NRXN1: variants seen among roughly 807,000 people sequenced by gnomAD.
NRXN1 encodes neurexin-1.
NRXN1 carries 39 observed loss-of-function variants against 150.9 expected under a neutral mutation model. The observed-to-expected ratio is 0.26, with a 90% CI of 0.20 to 0.34. The LOEUF is 0.34. Among genes scored for constraint, NRXN1 ranks in the 10% least tolerant of loss-of-function variants. The pLI is 1.00. For synonymous variants in NRXN1, 924 were observed against 757.0 expected (o/e 1.22, Z -3.62); for missense variants, 1,815 against 1,949.9 (o/e 0.93, Z 1.30).
intron 17 of NRXN1, among the ~76,000 whole-genome samples, chr2:50,449,885 C>A (rs1167670222): frequency 1.3e-5 from 2 of 152,070 alleles, no homozygotes; most frequent in Non-Finnish European, 2.9e-5. Flanking sequence ...CTCAAATCAA[C>A]CCTGCAAGAT....
chr2:50,870,368 G>A (rs911525292), intron 5 of NRXN1, among the ~76,000 whole-genome samples: 1 of 151,770 alleles, frequency 6.6e-6, no homozygotes, highest in African/African-American at 2.4e-5. Context: ...TCGTTATGTT[G>A]TCCAGGCTGG....
rs560295050 is a variant in NRXN1 at position 50,135,431 on chromosome 2, G to A, written c.3547-43937C>T. Among the ~76,000 whole-genome samples, 57 of 152,020 alleles carry A rather than the reference G, an allele frequency of 3.7e-4. 2 individuals are homozygous for A. The South Asian group carries it at 9.2e-3, about 24-fold the overall frequency. On this transcript the variant is annotated intron_variant, in intron 18 of 22. Transcript: ENST00000401669. ...AAGCTGCCCAATCGCGGTGGCTCAC[G>A]CCTGTAATCCCAGCACTTTGGGAGG...
At chr2:50,686,715 A>G (rs1691283479) in intron 5 of NRXN1, among the ~76,000 whole-genome samples, 2 of 152,196 alleles carry the variant, frequency 1.3e-5, no homozygotes, top group South Asian at 4.1e-4. Flanking sequence ...ATCTCCAGGG[A>G]AAGTACAATA....
chr2:50,243,439 T>C (rs1037281503), intron 17 of NRXN1, among the ~76,000 whole-genome samples: 1 of 151,770 alleles, frequency 6.6e-6, no homozygotes, highest in African/African-American at 2.4e-5. Context: ...AAAATTAAGT[T>C]ATTAAATTTT....
intron 17 of NRXN1, among the ~76,000 whole-genome samples, chr2:50,410,434 G>A (rs1396537989): frequency 6.6e-6 from 1 of 152,164 alleles, no homozygotes; most frequent in Non-Finnish European, 1.5e-5. Flanking sequence ...TATGCAGGAT[G>A]TCAACTGCAC....
chr2:50,508,780 C>G (rs368572688), intron 12 of NRXN1, among the ~76,000 whole-genome samples: 1 of 152,016 alleles, frequency 6.6e-6, no homozygotes, highest in Non-Finnish European at 1.5e-5. Flanking sequence ...TAAAAATAAC[C>G]CTTTGGTTCA....
intron 18 of NRXN1, among the ~76,000 whole-genome samples, chr2:50,209,507 A>G (rs2062857538): frequency 6.6e-6 from 1 of 152,124 alleles, no homozygotes; most frequent in Middle Eastern, 3.2e-3. Flanking sequence ...CCAAAACTGT[A>G]AAGGTGGAAA....
At chr2:50,324,545 A>T (rs1223956012) in intron 17 of NRXN1, among the ~76,000 whole-genome samples, 1 of 152,036 alleles carries the variant, frequency 6.6e-6, no homozygotes, top group African/African-American at 2.4e-5. Flanking sequence ...ATTTTATTTT[A>T]TTTGTTTATT....
intron 18 of NRXN1, among the ~76,000 whole-genome samples, chr2:50,228,414 T>C (rs1281151159): frequency 6.6e-6 from 1 of 152,018 alleles, no homozygotes; most frequent in East Asian, 1.9e-4. Context: ...GAGTAAAAGA[T>C]GTCAAAGATG....
intron 17 of NRXN1, among the ~76,000 whole-genome samples, chr2:50,405,553 G>A (rs1282750407): frequency 6.6e-6 from 1 of 152,098 alleles, no homozygotes; most frequent in African/African-American, 2.4e-5. Context: ...CCACCTGTTG[G>A]TAGCACCCAA....
chr2:50,176,134 G>C (rs1352687057), intron 18 of NRXN1, among the ~76,000 whole-genome samples: 1 of 152,028 alleles, frequency 6.6e-6, no homozygotes, highest in Non-Finnish European at 1.5e-5. Flanking sequence ...AGAATTAAAA[G>C]GTTTTCATCT....
intron 21 of NRXN1, among the ~76,000 whole-genome samples, chr2:50,003,907 C>CTGTTAA (rs1288628947): frequency 6.6e-6 from 1 of 152,090 alleles, no homozygotes; most frequent in African/African-American, 2.4e-5. Context: ...TTCCCCTTGA[C>CTGTTAA]TTAACAGATG....
intron 5 of NRXN1, among the ~76,000 whole-genome samples, chr2:50,907,453 T>C (rs1310141791): frequency 6.6e-6 from 1 of 152,058 alleles, no homozygotes; most frequent in Non-Finnish European, 1.5e-5. Context: ...GGCTGTGACC[T>C]TTACGAAGGG....
chr2:50,188,051 T>G lies in NRXN1; in HGVS notation c.3546+48738A>C, dbSNP rs576581014. Among the ~76,000 whole-genome samples the G allele has an allele frequency of 2.0e-5, 3 of 152,236 alleles. No homozygotes were observed. In the South Asian group the frequency reaches 6.2e-4, roughly 32 times the overall value. On this transcript the variant is annotated intron_variant, in intron 18 of 22. Transcript: ENST00000401669. ...GAGAAAATTTGACTTCCTCTCTTCC[T>G]ATTTGAATACCCTATGTTTCTTTCT... is the stretch of plus-strand genomic sequence containing the variant.
chr2:50,844,479 G>A (rs902962911), intron 5 of NRXN1, among the ~76,000 whole-genome samples: 1 of 152,116 alleles, frequency 6.6e-6, no homozygotes, highest in African/African-American at 2.4e-5. Flanking sequence ...CTTGAAAATG[G>A]ACCATTGAAA....
At chr2:50,571,128 G>A (rs2105458182) in intron 8 of NRXN1, among the ~76,000 whole-genome samples, 1 of 152,142 alleles carries the variant, frequency 6.6e-6, no homozygotes, top group East Asian at 1.9e-4. Context: ...TAGGCCCAAG[G>A]ATCTGTTTCT....
chr2:50,701,225 A>G (rs1394550359), intron 5 of NRXN1, among the ~76,000 whole-genome samples: 1 of 152,114 alleles, frequency 6.6e-6, no homozygotes, highest in Non-Finnish European at 1.5e-5. Context: ...AAAAGTTTCA[A>G]TCTCATCATC....
chr2:50,063,707 T>C (rs1279779214), intron 19 of NRXN1, among the ~76,000 whole-genome samples: 3 of 152,176 alleles, frequency 2.0e-5, no homozygotes, highest in Non-Finnish European at 4.4e-5. Context: ...TCTTCCACTA[T>C]GCATTCTTAA....
chr2:50,920,146 T>C (rs1558422157), intron 5 of NRXN1: 1 of 177,606 alleles, frequency 5.6e-6, no homozygotes, highest in Non-Finnish European at 1.3e-5. Flanking sequence ...GCAAAAAGCT[T>C]ACTCGTCCCA....
Sources: allele counts gnomAD v4.1 joint callset (sites outside exome capture counted in the v4.1 genomes callset), GRCh38; gene constraint gnomAD v4.1.1; transcripts MANE v1.5; gene names NCBI Gene and HGNC (gene_info 2026-07-23, HGNC 2026-07-21).